CEP120: variants seen among roughly 807,000 people sequenced by gnomAD.
CEP120 encodes centrosomal protein of 120 kDa.
Under a neutral mutation model 126.5 loss-of-function variants are expected in CEP120, and 113 were observed. The observed-to-expected ratio is 0.89, with a 90% CI of 0.77 to 1.04. CEP120 has a LOEUF of 1.04. Among genes scored for constraint, CEP120 ranks in the 50% least tolerant of loss-of-function variants. The pLI is 0.00. For synonymous variants in CEP120, 400 were observed against 394.3 expected (o/e 1.01, Z -0.17); for missense variants, 1,230 against 1,155.7 (o/e 1.06, Z -0.93).
intron 4 of CEP120, chr5:123,401,215 G>C: frequency 6.2e-7 from 1 of 1,612,778 alleles, no homozygotes; most frequent in Non-Finnish European, 8.5e-7. Context: ...ACGTTCATCA[G>C]CTCCTGGTAC....
At chr5:123,389,683 A>G (rs1186209345) in intron 8 of CEP120, among the ~76,000 whole-genome samples, 1 of 152,088 alleles carries the variant, frequency 6.6e-6, no homozygotes, top group Non-Finnish European at 1.5e-5. Context: ...TATTTTTAGT[A>G]GAGACGGGAT....
intron 16 of CEP120, among the ~76,000 whole-genome samples, chr5:123,373,994 T>C (rs1216882466): frequency 1.3e-5 from 2 of 151,732 alleles, no homozygotes; most frequent in African/African-American, 4.8e-5. Context: ...GAAAATAAAA[T>C]GTGAAAAAAA....
At chr5:123,416,210 C>T (rs1774381641) in intron 2 of CEP120, 86 bp from the exon 3 acceptor site, 1 of 763,394 alleles carries the variant, frequency 1.3e-6, no homozygotes, top group South Asian at 1.7e-5. Flanking sequence ...TATCAAGATA[C>T]TTATAATTTT....
Position 123,358,519 on chromosome 5 carries a change from A to T in CEP120, c.2580+5977T>A, listed in dbSNP as rs1381992289. ...GGTGCTGCAAATTGGCTTTTTAAAA[A>T]ATTTTTACAATGAGTAAATATGACT... On this transcript the variant is annotated intron_variant, in intron 18 of 19. Transcript: ENST00000306467. The T allele has an allele frequency of 3.9e-5, 6 of 152,122 alleles. No individual in the cohort carries two copies. In the East Asian group the frequency reaches 1.2e-3, roughly 29 times the overall value. 9.4% of individuals were successfully genotyped at this position (152,122 alleles called of 1,614,324 possible).
intron 12 of CEP120, 45 bp downstream of exon 12, chr5:123,382,939 ATT>A: frequency 1.2e-6 from 2 of 1,603,658 alleles, no homozygotes; most frequent in Non-Finnish European, 1.7e-6. Flanking sequence ...ACATATGCAC[ATT>A]AGATTCCTTT....
intron 4 of CEP120, among the ~76,000 whole-genome samples, chr5:123,407,284 A>T (rs1267489642): frequency 6.6e-6 from 1 of 152,128 alleles, no homozygotes; most frequent in Non-Finnish European, 1.5e-5. Flanking sequence ...TTGAACATCA[A>T]TAGTTTAAAT....
intron 4 of CEP120, among the ~76,000 whole-genome samples, chr5:123,411,098 T>C (rs547294085): frequency 3.9e-4 from 59 of 152,272 alleles, no homozygotes; most frequent in South Asian, 1.2e-3. Context: ...TCCTATGTCA[T>C]TGAGGAATTG....
intron 17 of CEP120, among the ~76,000 whole-genome samples, chr5:123,365,817 A>C (rs1253614534): frequency 1.3e-5 from 2 of 151,510 alleles, no homozygotes; most frequent in Non-Finnish European, 3.0e-5. Context: ...GATAGTATTC[A>C]ATTATACAAG....
intron 7 of CEP120, 200 bp from the exon 8 acceptor site, chr5:123,390,340 T>A: frequency 1.5e-6 from 1 of 647,916 alleles, no homozygotes; most frequent in Non-Finnish European, 2.8e-6. Context: ...AAATATGATA[T>A]CCAGAGCTGA....
At chr5:123,395,182 A>C (rs1374607673) in intron 5 of CEP120, among the ~76,000 whole-genome samples, 2 of 152,248 alleles carry the variant, frequency 1.3e-5, no homozygotes, top group Non-Finnish European at 2.9e-5. Flanking sequence ...CCATTATGGG[A>C]AGAAATTCTT....
intron 4 of CEP120, among the ~76,000 whole-genome samples, chr5:123,404,650 T>C (rs1412806196): frequency 6.6e-6 from 1 of 152,232 alleles, no homozygotes; most frequent in Admixed American, 6.5e-5. Flanking sequence ...ATCTTCTCAA[T>C]TCAAAAGGTA....
At chr5:123,388,831 C>T (rs1772196461) in intron 8 of CEP120, among the ~76,000 whole-genome samples, 2 of 152,144 alleles carry the variant, frequency 1.3e-5, no homozygotes. Context: ...AGAGCTTACT[C>T]TCAATACATA....
At chr5:123,350,241 T>TA in intron 18 of CEP120, 152 bp from the exon 19 acceptor site, 1 of 726,700 alleles carries the variant, frequency 1.4e-6, no homozygotes, top group Admixed American at 3.0e-5. Flanking sequence ...TCTCACTGTG[T>TA]TGCCCAGGCT....
chr5:123,402,160 C>T (rs1167697793), intron 4 of CEP120: 5 of 1,582,778 alleles, frequency 3.2e-6, no homozygotes, highest in African/African-American at 1.3e-5. Context: ...GCGGTGATGC[C>T]TCCCATGCCG....
chr5:123,401,745 CA>C (rs71574104), intron 4 of CEP120: 878,542 of 1,249,094 alleles, frequency 0.7, 311,813 homozygotes, highest in African/African-American at 0.78. Context: ...GCTTCATCCA[CA>C]ATCCTTCTTG....
intron 17 of CEP120, among the ~76,000 whole-genome samples, chr5:123,368,350 A>C (rs567183111): frequency 6.6e-6 from 1 of 152,102 alleles, no homozygotes; most frequent in South Asian, 2.1e-4. Flanking sequence ...ATGTGACATT[A>C]TCCAATGAGT....
At chr5:123,368,158 A>G (rs1770603918) in intron 17 of CEP120, among the ~76,000 whole-genome samples, 1 of 151,988 alleles carries the variant, frequency 6.6e-6, no homozygotes. Context: ...GCATAGTTGG[A>G]AGAAATTTTA....
intron 3 of CEP120, 108 bp downstream of exon 3, chr5:123,415,902 T>C: frequency 1.4e-6 from 1 of 703,154 alleles, no homozygotes; most frequent in South Asian, 2.0e-5. Flanking sequence ...GGCTCAAGTC[T>C]ATGACTGATC....
At chr5:123,389,814 C>T in intron 8 of CEP120, 110 bp downstream of exon 8, 2 of 1,002,412 alleles carry the variant, frequency 2.0e-6, no homozygotes, top group Non-Finnish European at 3.0e-6. Context: ...TGGTTCTTAA[C>T]AAACCCACAA....
Sources: gnomAD v4.1 joint callset for allele counts (sites outside exome capture counted in the v4.1 genomes callset) on GRCh38, gnomAD v4.1.1 for gene constraint, MANE v1.5 for transcripts, NCBI Gene and HGNC (gene_info 2026-07-23, HGNC 2026-07-21) for gene names.